The following ZNF91 variants were observed in gnomAD, a reference collection of about 807,000 sequenced individuals.
ZNF91 encodes zinc finger protein 91, also known as zinc finger protein 91 (HPF7, HTF10).
Under a neutral mutation model 12.6 loss-of-function variants are expected in ZNF91, and 7 were observed. The observed-to-expected ratio is 0.55, with a 90% confidence interval of 0.31 to 1.04. The LOEUF (loss-of-function observed/expected upper bound fraction) is 1.04, where lower values mean the gene tolerates loss of function less well. Among genes scored for constraint, ZNF91 ranks in the 50% least tolerant of loss-of-function variants. ZNF91 has a pLI of 0.05. For synonymous variants in ZNF91, 453 were observed against 462.6 expected (o/e 0.98, Z 0.27); for missense variants, 1,217 against 1,385.4 (o/e 0.88, Z 1.93).
chr19:23,390,939 G>A (rs948744969), intron 1 of ZNF91, among the ~76,000 whole-genome samples: 5 of 152,278 alleles, frequency 3.3e-5, no homozygotes, highest in Admixed American at 3.3e-4. Flanking sequence ...CCATGTCTTT[G>A]CTATTGTGAA....
At chr19:23,382,437 C>T (rs10417541) in intron 1 of ZNF91, among the ~76,000 whole-genome samples, 71,006 of 152,032 alleles carry the variant, frequency 0.47, 17,401 homozygotes, top group East Asian at 0.82. Flanking sequence ...TAGTGGGAGA[C>T]TACAACATCC....
intron 1 of ZNF91, among the ~76,000 whole-genome samples, chr19:23,332,355 T>TA (rs1184912107): frequency 6.6e-6 from 1 of 151,810 alleles, no homozygotes; most frequent in Admixed American, 6.6e-5. Context: ...ATTTTTTTTT[T>TA]AACACATCAT....
At chr19:23,314,944 CTT>C (rs1568364845), upstream of ZNF91, among the ~76,000 whole-genome samples, 2 of 152,144 alleles carry the variant, frequency 1.3e-5, no homozygotes, top group Non-Finnish European at 2.9e-5. Context: ...TGTTTGAACT[CTT>C]TTCACTGGAG....
chr19:23,331,731 G>A (rs547003247), intron 1 of ZNF91, among the ~76,000 whole-genome samples: 44 of 152,332 alleles, frequency 2.9e-4, no homozygotes, highest in Admixed American at 5.9e-4. Flanking sequence ...TGGATAGTGT[G>A]TGGTCATGTG....
chr19:23,376,129 C>G (rs551906075), intron 1 of ZNF91, among the ~76,000 whole-genome samples: 1 of 152,266 alleles, frequency 6.6e-6, no homozygotes, highest in South Asian at 2.1e-4. Context: ...TCCTGTAATG[C>G]ACAGAGATAA....
At chr19:23,342,592 T>C (rs990675795) in intron 3 of ZNF91, among the ~76,000 whole-genome samples, 7 of 152,162 alleles carry the variant, frequency 4.6e-5, no homozygotes, top group South Asian at 2.1e-4. Context: ...AAGGTTCCTA[T>C]TAAGATAAAA....
intron 1 of ZNF91, among the ~76,000 whole-genome samples, chr19:23,316,296 T>C (rs1156795718): frequency 6.6e-6 from 1 of 152,100 alleles, no homozygotes. Context: ...TATCTCTGCA[T>C]TAATCACCTA....
chr19:23,373,384 A>G (rs1368077368), intron 3 of ZNF91, among the ~76,000 whole-genome samples: 1 of 60,000 alleles, frequency 1.7e-5, no homozygotes, highest in East Asian at 2.6e-4. Context: ...ATATATATAT[A>G]TAAATAAACA....
chr19:23,385,626 T>C (rs12978950), intron 1 of ZNF91, among the ~76,000 whole-genome samples: 45,503 of 152,016 alleles, frequency 0.3, 7,280 homozygotes, highest in African/African-American at 0.41. Context: ...GGGCTGGACG[T>C]GTCACATTAG....
upstream of ZNF91, among the ~76,000 whole-genome samples, chr19:23,314,729 G>A (rs575358120): frequency 2.6e-5 from 4 of 152,226 alleles, no homozygotes; most frequent in Admixed American, 2.6e-4. Context: ...CTTCTTCCTG[G>A]GCTCTTTTTT....
chr19:23,322,373 CA>C (rs936374448), intron 1 of ZNF91, among the ~76,000 whole-genome samples: 2 of 152,156 alleles, frequency 1.3e-5, no homozygotes, highest in Non-Finnish European at 2.9e-5. Flanking sequence ...TCACTAGGCC[CA>C]GCACCTAACT....
intron 1 of ZNF91, among the ~76,000 whole-genome samples, chr19:23,384,244 T>C (rs1969804771): frequency 6.6e-6 from 1 of 152,138 alleles, no homozygotes; most frequent in African/African-American, 2.4e-5. Flanking sequence ...AACTTACAAA[T>C]AACTTCAGTA....
intron 1 of ZNF91, chr19:23,326,278 C>G (rs1967835532): frequency 6.6e-6 from 1 of 152,144 alleles, no homozygotes; most frequent in Admixed American, 6.6e-5. Flanking sequence ...ATCTTCTGTA[C>G]CTAGCACAAT....
intron 3 of ZNF91, among the ~76,000 whole-genome samples, chr19:23,369,917 T>G (rs2145086545): frequency 6.7e-6 from 1 of 150,142 alleles, no homozygotes; most frequent in East Asian, 2.0e-4. Flanking sequence ...CTTTGTTCAC[T>G]TGTTTATCTG....
At chr19:23,325,051 A>C (rs530658992) in intron 1 of ZNF91, 1 of 151,750 alleles carries the variant, frequency 6.6e-6, no homozygotes, top group Admixed American at 6.6e-5. Flanking sequence ...CCCAGGCCTC[A>C]CACCAGAACT....
rs1968540081 is a variant in ZNF91, at chr19:23,358,060, TCAGTC to T, written c.*1338_*1342del. On this transcript the variant is annotated 3_prime_UTR_variant, in exon 4 of 4. Coordinates refer to ENST00000300619, the MANE Select transcript of ZNF91 (RefSeq NM_003430.4). ...CTGGCAAAAAAAATCACTAGAGATG[TCAGTC>T]CATTATCTTACCAAATAGTGTATTT... 6.6e-6 allele frequency: 1 copy of T among 152,142 alleles called. No homozygotes were observed. The allele number at this position is 152,142 out of a possible 1,614,324, so 9.4% of individuals were successfully genotyped here.
In ZNF91 at chr19:23,359,591, C is replaced by T. The variant is rs1479914976; in HGVS notation, c.3388G>A (p.Gly1130Arg). The T allele has an allele frequency of 1.9e-6, 3 of 1,613,632 alleles. No homozygotes were observed. In the African/African-American group the frequency reaches 4.0e-5, roughly 22 times the overall value. Residue 1130 changes from glycine to arginine, a missense_variant, in exon 4 of 4, where the codon GGA becomes AGA. By Grantham distance (125) the Gly-to-Arg change is moderately radical. This residue lies in a region of ZNF91 where 491 missense variants were observed against 489.8 expected (regional missense o/e 1.00). Coordinates refer to ENST00000300619, the MANE Select transcript of ZNF91 (RefSeq NM_003430.4). The stretch of plus-strand genomic sequence containing the variant: ...TTTTCACATTTGTAGGGTTTCTCTC[C>T]AGTGTGAATTATCTTATGTTTAGTA... The part of the protein sequence containing the change: ...ALTKHKIIHT[G>R]EKPYKCEKCG...
intron 1 of ZNF91, among the ~76,000 whole-genome samples, chr19:23,332,891 C>G (rs1967950021): frequency 6.6e-6 from 1 of 152,074 alleles, no homozygotes; most frequent in Non-Finnish European, 1.5e-5. Context: ...CAGGCTGAGA[C>G]CCAGTGGGAA....
At chr19:23,339,281 GATC>G (rs1347637670) in intron 3 of ZNF91, 1 of 151,906 alleles carries the variant, frequency 6.6e-6, no homozygotes, top group Non-Finnish European at 1.5e-5. Context: ...AAAGGATAAA[GATC>G]ATCATCCAAT....
Sources: gnomAD v4.1 joint callset for allele counts (sites outside exome capture counted in the v4.1 genomes callset) on GRCh38, gnomAD v4.1.1 for gene constraint, gnomAD v4.1.1 regional missense constraint, MANE v1.5 for transcripts, NCBI Gene and HGNC (gene_info 2026-07-23, HGNC 2026-07-21) for gene names.